The following ABCA1 variants were observed in gnomAD, a reference collection of about 807,000 sequenced individuals.
The protein encoded by ABCA1 is phospholipid-transporting ATPase ABCA1.
ABCA1 carries 133 observed loss-of-function variants against 262.5 expected under a neutral mutation model. The observed-to-expected ratio is 0.51, with a 90% confidence interval of 0.44 to 0.59. The LOEUF is 0.59. Among genes scored for constraint, ABCA1 ranks in the 20% least tolerant of loss-of-function variants. The pLI is 0.00. For missense variants in ABCA1, 2,452 were observed against 2,777.5 expected (o/e 0.88, Z 2.63); for synonymous variants, 1,022 against 1,043.5 (o/e 0.98, Z 0.40).
intron 15 of ABCA1, 114 bp downstream of exon 15, chr9:104,828,802 G>A: frequency 2.8e-6 from 3 of 1,076,914 alleles, no homozygotes; most frequent in Non-Finnish European, 1.4e-6. Context: ...GAAATGACAG[G>A]TATGACCCCT....
chr9:104,862,822 G>A (rs780392745), intron 5 of ABCA1, among the ~76,000 whole-genome samples: 31 of 142,016 alleles, frequency 2.2e-4, no homozygotes, highest in Non-Finnish European at 4.2e-4. Context: ...TGATGCTGCT[G>A]ACCTGGGGAC....
rs1833459265 is a variant in ABCA1 at position 104,832,781 on chromosome 9, C to T, written c.1312-10G>A. On this transcript the variant is annotated splice_polypyrimidine_tract_variant and intron_variant, in intron 11 of 49. Transcript: ENST00000374736. The stretch of plus-strand genomic sequence containing the variant: ...TGCTGTCCAACAGCATCTGCCATTC[C>T]AGTGAGAAAGTACAAGTAGTAAACA... 2 of 1,613,880 alleles carry T rather than the reference C, an allele frequency of 1.2e-6. No homozygotes were observed. The highest frequency in any genetic ancestry group is 1.7e-5 in the Admixed American group (1 of 59,994).
chr9:104,787,318 T>C (rs543287014), intron 46 of ABCA1, among the ~76,000 whole-genome samples: 1 of 152,286 alleles, frequency 6.6e-6, no homozygotes, highest in East Asian at 1.9e-4. Context: ...GAAACCTCTA[T>C]TGAAGTCAGT....
At chr9:104,828,141 C>T (rs112718751) in intron 15 of ABCA1, among the ~76,000 whole-genome samples, 1 of 152,202 alleles carries the variant, frequency 6.6e-6, no homozygotes, top group South Asian at 2.1e-4. Context: ...TTCAGGGAAG[C>T]CTTGTTGCCC....
intron 28 of ABCA1, among the ~76,000 whole-genome samples, chr9:104,811,729 A>T (rs887719474): frequency 3.3e-5 from 5 of 152,244 alleles, no homozygotes; most frequent in African/African-American, 1.2e-4. Flanking sequence ...TCTGTATAAC[A>T]ACTACTATAA....
intron 23 of ABCA1, among the ~76,000 whole-genome samples, chr9:104,818,238 C>A (rs1438620993): frequency 6.6e-6 from 1 of 151,478 alleles, no homozygotes; most frequent in Non-Finnish European, 1.5e-5. Flanking sequence ...TACTTTCTTT[C>A]ATGCCCAGAG....
At chr9:104,803,357 A>G (rs1830501623) in intron 32 of ABCA1, 41 bp from the exon 33 acceptor site, 1 of 1,597,878 alleles carries the variant, frequency 6.3e-7, no homozygotes, top group Admixed American at 1.7e-5. Context: ...CAAAGAAAGC[A>G]CTGAGCCTAT....
intron 36 of ABCA1, among the ~76,000 whole-genome samples, chr9:104,799,179 TA>T (rs1830130944): frequency 6.6e-6 from 1 of 151,948 alleles, no homozygotes; most frequent in Non-Finnish European, 1.5e-5. Flanking sequence ...CCTGTAGGAG[TA>T]AAGCAGAAAC....
chr9:104,793,137 C>G, intron 41 of ABCA1, 34 bp downstream of exon 41: 2 of 1,613,544 alleles, frequency 1.2e-6, no homozygotes, highest in Non-Finnish European at 1.7e-6. Context: ...TGACCCTCAA[C>G]CAGGTGCTCC....
intron 2 of ABCA1, among the ~76,000 whole-genome samples, chr9:104,898,576 A>T (rs1840407969): frequency 6.6e-6 from 1 of 150,558 alleles, no homozygotes; most frequent in African/African-American, 2.5e-5. Context: ...AAATAAATAA[A>T]TAAATAAATA....
At chr9:104,896,043 C>G (rs1840170809) in intron 2 of ABCA1, among the ~76,000 whole-genome samples, 1 of 152,066 alleles carries the variant, frequency 6.6e-6, no homozygotes, top group South Asian at 2.1e-4. Context: ...AAAAAGGAAA[C>G]AAGAAGAATA....
chr9:104,791,904 G>A (rs756670377), intron 43 of ABCA1, 32 bp downstream of exon 43: 2 of 1,605,766 alleles, frequency 1.2e-6, no homozygotes, highest in East Asian at 2.2e-5. Flanking sequence ...GAACTAATAG[G>A]GACAAACGCA....
At position 104,786,386 on chromosome 9, in the gene ABCA1, C is replaced by G; in HGVS notation, c.6313G>C (p.Glu2105Gln). Reference protein sequence around the residue: ...RSVVLTSHSMEECEALCTRMA... With the variant: ...RSVVLTSHSMQECEALCTRMA... Reference sequence around the variant, plus strand: ...CTAGTGCAAAGAGCTTCACATTCTTCCATACTGCGGTAAAACAGAAAGAGG... The same window carrying G: ...CTAGTGCAAAGAGCTTCACATTCTTGCATACTGCGGTAAAACAGAAAGAGG... Residue 2105 changes from glutamate to glutamine, a missense_variant, in exon 48 of 50, where the codon GAA (glutamate) becomes CAA (glutamine). Around this residue, in one of 4 missense-constraint regions of ABCA1, gnomAD observed 752 missense variants for 944.5 expected, o/e 0.80. Coordinates refer to ENST00000374736, the MANE Select transcript of ABCA1 (RefSeq NM_005502.4). 2 of 1,614,000 alleles carry G rather than the reference C, an allele frequency of 1.2e-6. No individual in the cohort carries two copies. Among genetic ancestry groups the G allele is most frequent in the Non-Finnish European group, 1.7e-6 (2 of 1,179,902 alleles).
At chr9:104,809,635 T>C (rs1831093503) in intron 29 of ABCA1, 71 bp from the exon 30 acceptor site, 3 of 1,371,668 alleles carry the variant, frequency 2.2e-6, no homozygotes, top group Admixed American at 1.8e-5. Context: ...AAAATGTTTT[T>C]ATAAATTAAA....
intron 37 of ABCA1, among the ~76,000 whole-genome samples, chr9:104,796,658 AG>A (rs1370043787): frequency 6.6e-6 from 1 of 152,198 alleles, no homozygotes; most frequent in Non-Finnish European, 1.5e-5. Flanking sequence ...CCAACAGTCA[AG>A]CCAAGGTGTC....
At chr9:104,920,761 T>C (rs1315677578) in intron 1 of ABCA1, among the ~76,000 whole-genome samples, 1 of 152,160 alleles carries the variant, frequency 6.6e-6, no homozygotes, top group Non-Finnish European at 1.5e-5. Context: ...CCGCCCACCT[T>C]GGCCTCCCAA....
chr9:104,785,356 C>T (rs913988998), intron 49 of ABCA1, 40 bp downstream of exon 49: 2 of 1,612,550 alleles, frequency 1.2e-6, no homozygotes, highest in African/African-American at 1.3e-5. Flanking sequence ...CAGGAATCCA[C>T]ACCCTGAGAA....
intron 8 of ABCA1, among the ~76,000 whole-genome samples, chr9:104,842,910 T>C (rs1458883931): frequency 1.3e-5 from 2 of 152,112 alleles, no homozygotes; most frequent in Admixed American, 6.5e-5. Context: ...TGCTCTGAGC[T>C]CCTCTCCTCC....
At chr9:104,786,782 C>T in intron 47 of ABCA1, 91 bp downstream of exon 47, 3 of 1,213,818 alleles carry the variant, frequency 2.5e-6, no homozygotes, top group Non-Finnish European at 3.7e-6. Context: ...CTTTGCTTTT[C>T]TGTATTTTCT....
Sources: allele counts gnomAD v4.1 joint callset (sites outside exome capture counted in the v4.1 genomes callset), GRCh38; gene constraint gnomAD v4.1.1; regional missense constraint gnomAD v4.1.1; transcripts MANE v1.5; gene names NCBI Gene and HGNC (gene_info 2026-07-23, HGNC 2026-07-21).